KIF16B: variants seen among roughly 807,000 people sequenced by gnomAD.
The protein encoded by KIF16B is kinesin family member 16B.
Under a neutral mutation model 156.3 loss-of-function variants are expected in KIF16B, and 98 were observed. The observed-to-expected ratio is 0.63, with a 90% confidence interval of 0.53 to 0.74. The LOEUF is 0.74. Among genes scored for constraint, KIF16B ranks in the 30% least tolerant of loss-of-function variants. The pLI, the probability that KIF16B is intolerant of heterozygous loss-of-function variation, is 0.00. For missense variants in KIF16B, 1,421 were observed against 1,606.5 expected (o/e 0.88, Z 1.97); for synonymous variants, 564 against 583.7 (o/e 0.97, Z 0.49).
rs185682896 is a variant in KIF16B at position 16,321,126 on chromosome 20, C to T, written c.3712-8708G>A. Among the ~76,000 whole-genome samples, 71 of 152,196 alleles carry T rather than the reference C, an allele frequency of 4.7e-4. 1 individual carries two copies. The highest frequency in any genetic ancestry group is 8.4e-4 in the Non-Finnish European group (57 of 67,970). On this transcript the variant is annotated intron_variant, in intron 24 of 25. Transcript: ENST00000354981. ...TTTCTTTTTTGTCAATCTACATCTC[C>T]ATCCTCTTATCTGTGCCTATTCATT...
At chr20:16,343,152 C>T (rs2064170610) in intron 23 of KIF16B, among the ~76,000 whole-genome samples, 2 of 152,212 alleles carry the variant, frequency 1.3e-5, no homozygotes, top group Admixed American at 1.3e-4. Context: ...TTCATTACTT[C>T]TCTCCCTCTG....
chr20:16,408,911 A>C (rs747724425), intron 15 of KIF16B, among the ~76,000 whole-genome samples: 1 of 152,122 alleles, frequency 6.6e-6, no homozygotes, highest in Non-Finnish European at 1.5e-5. Context: ...ACATGATGCC[A>C]CTGTTCATTC....
At chr20:16,426,257 C>T (rs2066349006) in intron 15 of KIF16B, among the ~76,000 whole-genome samples, 1 of 151,802 alleles carries the variant, frequency 6.6e-6, no homozygotes, top group Non-Finnish European at 1.5e-5. Context: ...TCAGAAAAGT[C>T]TCTCTTTGGG....
At chr20:16,495,020 G>C (rs947831417) in intron 11 of KIF16B, among the ~76,000 whole-genome samples, 2 of 152,116 alleles carry the variant, frequency 1.3e-5, no homozygotes, top group African/African-American at 4.8e-5. Context: ...GTAATGTTTT[G>C]TTAGTTCCCT....
intron 22 of KIF16B, among the ~76,000 whole-genome samples, chr20:16,361,208 A>T (rs2064545718): frequency 6.6e-6 from 1 of 152,190 alleles, no homozygotes; most frequent in Admixed American, 6.5e-5. Flanking sequence ...GATAGTTCTA[A>T]TTAGAGCTAT....
At chr20:16,438,087 C>T (rs999890078) in intron 12 of KIF16B, among the ~76,000 whole-genome samples, 3 of 151,956 alleles carry the variant, frequency 2.0e-5, no homozygotes, top group Non-Finnish European at 1.5e-5. Context: ...GAGGACGTTG[C>T]AGTGAGCCAA....
chr20:16,501,384 C>A (rs2068621390), intron 10 of KIF16B, among the ~76,000 whole-genome samples: 1 of 133,220 alleles, frequency 7.5e-6, no homozygotes, highest in East Asian at 2.0e-4. Context: ...TTAACCGGCA[C>A]TTCTATACAC....
chr20:16,514,827 A>G lies in KIF16B; in HGVS notation c.348+721T>C, dbSNP rs532956593. On this transcript the variant is annotated intron_variant, in intron 4 of 25. Transcript: ENST00000354981. ...CTTGAAACCAGGAGGCAGAGCTTGC[A>G]GCGAGCTGAGATCGCACCACTGCCC... Among the ~76,000 whole-genome samples the G allele has an allele frequency of 7.8e-4, 111 of 142,754 alleles. 2 individuals are homozygous for G. The highest frequency in any genetic ancestry group is 2.9e-3 in the African/African-American group (110 of 38,312). The allele number at this position is 142,754 out of a possible 152,430, so 93.7% of individuals were successfully genotyped here.
chr20:16,498,038 G>A (rs1004891134), intron 10 of KIF16B, among the ~76,000 whole-genome samples: 3 of 152,086 alleles, frequency 2.0e-5, no homozygotes, highest in Non-Finnish European at 4.4e-5. Flanking sequence ...CCATGCCTAA[G>A]TCTTGCTTAA....
intron 23 of KIF16B, among the ~76,000 whole-genome samples, chr20:16,348,967 AG>A (rs2064284778): frequency 1.3e-5 from 2 of 152,228 alleles, no homozygotes; most frequent in Admixed American, 1.3e-4. Flanking sequence ...TGAACTGACC[AG>A]CCTTGATGAC....
chr20:16,434,778 G>T (rs1049885006), intron 12 of KIF16B, among the ~76,000 whole-genome samples: 5 of 151,952 alleles, frequency 3.3e-5, no homozygotes, highest in African/African-American at 1.2e-4. Flanking sequence ...ATCTTTTTGT[G>T]AAAATTTATG....
At chr20:16,419,588 A>T (rs1288049542) in intron 15 of KIF16B, among the ~76,000 whole-genome samples, 2 of 152,150 alleles carry the variant, frequency 1.3e-5, no homozygotes, top group African/African-American at 4.8e-5. Context: ...CCCAAGTATA[A>T]ATTTCCCAGA....
chr20:16,498,446 T>C (rs938050508), intron 10 of KIF16B, among the ~76,000 whole-genome samples: 3 of 152,200 alleles, frequency 2.0e-5, no homozygotes, highest in African/African-American at 4.8e-5. Flanking sequence ...CCCAATTTGG[T>C]TGTGTAAACT....
chr20:16,353,001 C>A (rs1390524678), intron 23 of KIF16B, among the ~76,000 whole-genome samples: 1 of 152,116 alleles, frequency 6.6e-6, no homozygotes, highest in Non-Finnish European at 1.5e-5. Context: ...GACCATCATG[C>A]GGGATAACGA....
intron 17 of KIF16B, among the ~76,000 whole-genome samples, chr20:16,382,664 T>C (rs77178245): frequency 0.024 from 3,683 of 152,318 alleles, 161 homozygotes; most frequent in African/African-American, 0.085. Context: ...GTTTCACTAT[T>C]CTTATTAAGC....
At chr20:16,374,160 A>T in intron 20 of KIF16B, 97 bp downstream of exon 20, 1 of 1,257,192 alleles carries the variant, frequency 8.0e-7, no homozygotes, top group Non-Finnish European at 1.1e-6. Context: ...TGTTGCCCTT[A>T]ATAGAGCCCT....
rs1435876130 is a variant in KIF16B at position 16,515,594 on chromosome 20, T to C, written c.302A>G (p.Tyr101Cys). ...TGACTTTCCAGATCCAGTTTGCCCATATGCAAAGACACAAGCATTATAACC... is the reference window on the plus strand; with the variant it reads ...TGACTTTCCAGATCCAGTTTGCCCACATGCAAAGACACAAGCATTATAACC... ...FEGYNACVFAYGQTGSGKSYT... is the reference protein window; with the variant it reads ...FEGYNACVFACGQTGSGKSYT... The change falls in exon 4 of 26, where the codon TAT (tyrosine) becomes TGT (cysteine). Residue 101 changes from tyrosine (Y) to cysteine (C), a missense_variant. Physicochemically the swap from Tyr to Cys is radical, Grantham distance 194. Coordinates refer to ENST00000354981, the MANE Select transcript of KIF16B (RefSeq NM_024704.5). 3 of 1,613,034 alleles carry C rather than the reference T, an allele frequency of 1.9e-6. No homozygotes were observed. Among genetic ancestry groups the C allele is most frequent in the East Asian group, 2.2e-5 (1 of 44,842 alleles).
chr20:16,402,808 T>A (rs1362753215), intron 17 of KIF16B, among the ~76,000 whole-genome samples: 1 of 152,128 alleles, frequency 6.6e-6, no homozygotes, highest in Non-Finnish European at 1.5e-5. Context: ...CCATGGAAAG[T>A]CACTGAAAAG....
chr20:16,275,641 C>G (rs1196541537), intron 25 of KIF16B, among the ~76,000 whole-genome samples: 1 of 152,194 alleles, frequency 6.6e-6, no homozygotes, highest in Non-Finnish European at 1.5e-5. Flanking sequence ...ATATCCCTAA[C>G]TTACTGGTCT....
Sources: gnomAD v4.1 joint callset for allele counts (sites outside exome capture counted in the v4.1 genomes callset) on GRCh38, gnomAD v4.1.1 for gene constraint, MANE v1.5 for transcripts, NCBI Gene and HGNC (gene_info 2026-07-23, HGNC 2026-07-21) for gene names.